The following B3GLCT variants were observed in gnomAD, a reference collection of about 807,000 sequenced individuals.
The protein encoded by B3GLCT is beta-1,3-glucosyltransferase.
Under a neutral mutation model 63.4 loss-of-function variants are expected in B3GLCT, and 65 were observed. The ratio of observed to expected loss-of-function variants is 1.03; its 90% CI spans 0.84 to 1.26. The LOEUF (loss-of-function observed/expected upper bound fraction) is 1.26. Among genes scored for constraint, B3GLCT ranks in the 50% most tolerant of loss-of-function variants. The probability of loss-of-function intolerance (pLI) is 0.00; values close to 1 mark genes in which losing one functional copy is unlikely to be tolerated. For synonymous variants in B3GLCT, 233 were observed against 219.2 expected (o/e 1.06, Z -0.55); for missense variants, 577 against 604.8 (o/e 0.95, Z 0.48).
chr13:31,313,442 G>A (rs1024709995), intron 12 of B3GLCT, among the ~76,000 whole-genome samples: 1 of 152,218 alleles, frequency 6.6e-6, no homozygotes, highest in African/African-American at 2.4e-5. Flanking sequence ...TTGGGAACTG[G>A]AGTAAAGGTG....
chr13:31,298,152 G>T (rs929207963), intron 12 of B3GLCT, among the ~76,000 whole-genome samples: 1 of 152,178 alleles, frequency 6.6e-6, no homozygotes, highest in Admixed American at 6.5e-5. Context: ...GTCCCATCTT[G>T]AAGCTGTCGG....
chr13:31,202,733 C>T (rs1868746067), intron 1 of B3GLCT, among the ~76,000 whole-genome samples: 2 of 152,118 alleles, frequency 1.3e-5, no homozygotes, highest in African/African-American at 4.8e-5. Context: ...GGGATGCAGG[C>T]CTTTTTGCTC....
intron 1 of B3GLCT, among the ~76,000 whole-genome samples, chr13:31,200,372 G>C (rs952161741): frequency 6.7e-6 from 1 of 149,418 alleles, no homozygotes; most frequent in Non-Finnish European, 1.5e-5. Context: ...AGGCGTGCCC[G>C]CTCGGCCCCT....
chr13:31,240,539 A>G (rs959152770), intron 4 of B3GLCT, among the ~76,000 whole-genome samples: 5 of 151,252 alleles, frequency 3.3e-5, no homozygotes, highest in African/African-American at 1.2e-4. Context: ...AGAGCTAGCA[A>G]AGCCTTTCAT....
At chr13:31,285,734 T>C (rs907627022) in intron 11 of B3GLCT, among the ~76,000 whole-genome samples, 3 of 152,104 alleles carry the variant, frequency 2.0e-5, no homozygotes, top group African/African-American at 7.2e-5. Flanking sequence ...AGATATGCCA[T>C]CTCTGTAGTT....
chr13:31,261,285 A>G (rs1452575167), intron 7 of B3GLCT, among the ~76,000 whole-genome samples: 1 of 152,228 alleles, frequency 6.6e-6, no homozygotes, highest in Non-Finnish European at 1.5e-5. Context: ...CAGACAAATC[A>G]TTCAACCTCT....
At chr13:31,205,248 GTTTTTT>G (rs1199157279) in intron 1 of B3GLCT, among the ~76,000 whole-genome samples, 2 of 135,926 alleles carry the variant, frequency 1.5e-5, no homozygotes, top group East Asian at 4.3e-4. Context: ...TTTTTTTTTT[GTTTTTT>G]TTTTTAAGAG....
intron 11 of B3GLCT, 35 bp downstream of exon 11, chr13:31,284,796 C>A: frequency 9.1e-7 from 1 of 1,103,164 alleles, no homozygotes; most frequent in Non-Finnish European, 1.4e-6. Flanking sequence ...CCTTATTAAA[C>A]ATTGCCATTC....
At chr13:31,320,331 C>G (rs1052889366) in intron 13 of B3GLCT, among the ~76,000 whole-genome samples, 4 of 152,104 alleles carry the variant, frequency 2.6e-5, no homozygotes, top group Non-Finnish European at 5.9e-5. Context: ...TCTAGTTTGC[C>G]TGATTACCAG....
At chr13:31,243,923 T>C (rs191897639) in intron 4 of B3GLCT, among the ~76,000 whole-genome samples, 5 of 152,372 alleles carry the variant, frequency 3.3e-5, no homozygotes, top group Admixed American at 3.3e-4. Flanking sequence ...CTGTCATTTA[T>C]CCATATTTGA....
chr13:31,212,400 G>A (rs750967319), intron 1 of B3GLCT, among the ~76,000 whole-genome samples: 1 of 150,106 alleles, frequency 6.7e-6, no homozygotes, highest in Admixed American at 6.7e-5. Context: ...TCAGCCTCCC[G>A]AGTAGCTGGG....
At chr13:31,263,168 C>A (rs541608864) in intron 7 of B3GLCT, among the ~76,000 whole-genome samples, 12 of 152,320 alleles carry the variant, frequency 7.9e-5, no homozygotes, top group African/African-American at 2.9e-4. Context: ...GGAGGCCTCT[C>A]ATCCTGAAGG....
intron 6 of B3GLCT, among the ~76,000 whole-genome samples, chr13:31,252,652 C>T (rs1009463448): frequency 3.9e-5 from 6 of 152,172 alleles, no homozygotes; most frequent in African/African-American, 1.4e-4. Context: ...GGGATCAACA[C>T]AACAAGAAGA....
At chr13:31,250,124 G>A (rs1488161220) in intron 6 of B3GLCT, among the ~76,000 whole-genome samples, 1 of 152,136 alleles carries the variant, frequency 6.6e-6, no homozygotes, top group African/African-American at 2.4e-5. Context: ...ACCACAGTAT[G>A]CTTTTAATAT....
At chr13:31,244,403 A>T (rs574568349) in intron 4 of B3GLCT, among the ~76,000 whole-genome samples, 2 of 152,266 alleles carry the variant, frequency 1.3e-5, no homozygotes, top group East Asian at 3.9e-4. Context: ...GAGGCAAGAG[A>T]ATCACTTGAA....
Position 31,208,099 on chromosome 13 carries a change from A to G in B3GLCT, c.71-6952A>G, listed in dbSNP as rs561453833. On this transcript the variant is annotated intron_variant, in intron 1 of 14. Transcript: ENST00000343307. ...AGTATACTTTGTCTTTGTACTTTGT[A>G]CTCTGTACACAGTACAAAGTACTCT... 1.3e-4 allele frequency among the ~76,000 whole-genome samples: 19 copies of G among 151,826 alleles called. No homozygotes were observed. In the East Asian group the frequency reaches 3.7e-3, roughly 30 times the overall value.
At chr13:31,257,070 T>A (rs1359744286) in intron 6 of B3GLCT, among the ~76,000 whole-genome samples, 4 of 152,172 alleles carry the variant, frequency 2.6e-5, no homozygotes, top group Non-Finnish European at 5.9e-5. Flanking sequence ...ATAATTTTTT[T>A]AAAAGTAGTT....
intron 9 of B3GLCT, among the ~76,000 whole-genome samples, chr13:31,274,911 T>G (rs1031251997): frequency 6.6e-6 from 1 of 152,224 alleles, no homozygotes; most frequent in Non-Finnish European, 1.5e-5. Flanking sequence ...TGTTTGTGTG[T>G]ACCCAGTGTT....
At chr13:31,300,289 T>C (rs1422925385) in intron 12 of B3GLCT, among the ~76,000 whole-genome samples, 1 of 152,184 alleles carries the variant, frequency 6.6e-6, no homozygotes. Flanking sequence ...GATAATGGAA[T>C]GGGCATTGCC....
Sources: allele counts gnomAD v4.1 joint callset (sites outside exome capture counted in the v4.1 genomes callset), GRCh38; gene constraint gnomAD v4.1.1; transcripts MANE v1.5; gene names NCBI Gene and HGNC (gene_info 2026-07-23, HGNC 2026-07-21).